Variants in GRIK5 observed in about 807,000 individuals in gnomAD.
GRIK5 encodes the protein glutamate ionotropic receptor kainate type subunit 5, also known as glutamate receptor ionotropic, kainate 5.
Under a neutral mutation model 97.4 loss-of-function variants are expected in GRIK5, and 43 were observed. The observed-to-expected ratio is 0.44, with a 90% CI of 0.35 to 0.57. GRIK5 has a LOEUF of 0.57. GRIK5 is among the 20% of genes least tolerant of loss of function. GRIK5 has a pLI of 0.01. For missense variants in GRIK5, 1,015 were observed against 1,382.0 expected, an observed-to-expected ratio of 0.73 and a Z score of 4.21; for synonymous variants, 580 against 583.5, an observed-to-expected ratio of 0.99 and a Z score of 0.09.
intron 3 of GRIK5, among the ~76,000 whole-genome samples, chr19:42,063,996 C>A (rs993202529): frequency 6.6e-6 from 1 of 152,224 alleles, no homozygotes; most frequent in African/African-American, 2.4e-5. Flanking sequence ...TTCACACAGA[C>A]CAGATGCCTG....
Position 42,003,792 on chromosome 19 carries a change from C to A in GRIK5, c.2264-109G>T. ...GGCCTTCCCCCGCCTCTACCACGTG[C>A]CCAGGGTCTTCCCTGCAGCCTCTCC... On this transcript the variant is annotated intron_variant, in intron 17 of 19. Transcript: ENST00000593562. The surrounding 1 kb of genome is among the most constrained non-coding windows in gnomAD (Gnocchi z 4.2). The A allele has an allele frequency of 8.1e-7, 1 of 1,239,840 alleles. No individual in the cohort carries two copies. The highest frequency in any genetic ancestry group is 1.6e-5 in the South Asian group (1 of 63,046). The allele number at this position is 1,239,840 out of a possible 1,614,324, so 76.8% of individuals were successfully genotyped here.
At chr19:42,054,542 T>C in intron 8 of GRIK5, 70 bp from the exon 9 acceptor site, 1 of 1,553,190 alleles carries the variant, frequency 6.4e-7, no homozygotes, top group Non-Finnish European at 8.8e-7. Flanking sequence ...CAAAGGCCCC[T>C]GAGCTGCCAC....
intron 1 of GRIK5, among the ~76,000 whole-genome samples, chr19:42,067,054 C>T (rs1027447958): frequency 6.6e-6 from 1 of 152,194 alleles, no homozygotes; most frequent in Admixed American, 6.5e-5. Flanking sequence ...AACCACTGGG[C>T]AAGGAGTTTG....
At chr19:42,024,785 G>A (rs568191108) in intron 12 of GRIK5, among the ~76,000 whole-genome samples, 3 of 152,240 alleles carry the variant, frequency 2.0e-5, no homozygotes, top group South Asian at 2.1e-4. Context: ...CGCCTGAGGC[G>A]CCTGTCCACT....
At chr19:42,008,755 C>T (rs113893620) in intron 15 of GRIK5, among the ~76,000 whole-genome samples, 71 of 152,170 alleles carry the variant, frequency 4.7e-4, no homozygotes, top group Non-Finnish European at 9.0e-4. Context: ...GACATGAAAA[C>T]AGCTATTATA....
At chr19:42,037,207 C>T (rs1308876173) in intron 12 of GRIK5, among the ~76,000 whole-genome samples, 1 of 152,228 alleles carries the variant, frequency 6.6e-6, no homozygotes, top group Non-Finnish European at 1.5e-5. Context: ...TGCCTGTAAT[C>T]CTAGCACTTT....
chr19:42,065,283 G>A lies in GRIK5; in HGVS notation c.184C>T (p.Arg62Ter). ...NGIIEVPAKA[R>*]VEVDIFELQR... is the part of the protein sequence containing the mutation. ...AGCTCAAAGATGTCTACTTCCACTC[G>A]GGCCTTGGCTGGGACCTCGATGATC... Residue 62 changes from arginine (R) to a stop codon, truncating the protein, a stop_gained, in exon 3 of 20, where the codon CGA becomes TGA. Transcript: ENST00000593562. LOFTEE classifies it high-confidence loss of function. The surrounding 1 kb of genome is among the most constrained non-coding windows in gnomAD (Gnocchi z 5.8). The A allele has an allele frequency of 6.2e-7, 1 of 1,613,230 alleles. No homozygotes were observed. The highest frequency in any genetic ancestry group is 1.1e-5 in the South Asian group (1 of 91,052).
chr19:42,058,769 T>C (rs962826455), intron 6 of GRIK5, among the ~76,000 whole-genome samples: 2 of 144,420 alleles, frequency 1.4e-5, no homozygotes, highest in Admixed American at 1.4e-4. Flanking sequence ...GAGGTTGCAG[T>C]GAGCTGAGAT....
At chr19:42,061,109 G>A (rs1422161308) in intron 5 of GRIK5, among the ~76,000 whole-genome samples, 11 of 152,128 alleles carry the variant, frequency 7.2e-5, no homozygotes, top group East Asian at 1.9e-4. Flanking sequence ...GTGCAGTGGC[G>A]TGATCTCAGC....
intron 6 of GRIK5, among the ~76,000 whole-genome samples, chr19:42,058,907 C>T (rs2076222099): frequency 6.6e-6 from 1 of 152,006 alleles, no homozygotes; most frequent in African/African-American, 2.4e-5. Flanking sequence ...GTTTAAAAAT[C>T]CTTCAGAGCT....
intron 15 of GRIK5, among the ~76,000 whole-genome samples, chr19:42,013,408 CTT>C (rs961451223): frequency 2.4e-5 from 3 of 123,246 alleles, no homozygotes; most frequent in Admixed American, 8.3e-5. Flanking sequence ...TTTTTCTTTT[CTT>C]TTTTTTTTTT....
intron 15 of GRIK5, among the ~76,000 whole-genome samples, chr19:42,014,231 T>C (rs1418059295): frequency 6.6e-6 from 1 of 151,420 alleles, no homozygotes. Context: ...CCATCTCTAC[T>C]AAAATACAAA....
At chr19:42,004,027 T>G (rs1398274232) in intron 17 of GRIK5, among the ~76,000 whole-genome samples, 3 of 152,148 alleles carry the variant, frequency 2.0e-5, no homozygotes, top group Non-Finnish European at 4.4e-5. Flanking sequence ...TCACACACAG[T>G]CCTGTCTTAG....
At chr19:42,012,627 G>A (rs1359189072) in intron 15 of GRIK5, among the ~76,000 whole-genome samples, 1 of 152,106 alleles carries the variant, frequency 6.6e-6, no homozygotes, top group Non-Finnish European at 1.5e-5. Flanking sequence ...TATAATCCGA[G>A]CACTTTGGGA....
Position 42,021,215 on chromosome 19 carries a change from C to CA in GRIK5, c.1871+85dup. 1 of 1,073,374 alleles carries CA rather than the reference C, an allele frequency of 9.3e-7. No homozygotes were observed. Among genetic ancestry groups the CA allele is most frequent in the Admixed American group, 2.5e-5 (1 of 40,228 alleles). The allele number at this position is 1,073,374 out of a possible 1,614,324, so 66.5% of individuals were successfully genotyped here. ...AGGGAAAACGGGGAATCAAATCTTC[C>CA]AGGAGATGCCACAGCCCCAACCCCA... On this transcript the variant is annotated intron_variant, in intron 15 of 19. Transcript: ENST00000593562. The surrounding 1 kb of genome is among the most constrained non-coding windows in gnomAD (Gnocchi z 4.2).
At chr19:42,027,429 G>A (rs992361090) in intron 12 of GRIK5, among the ~76,000 whole-genome samples, 3 of 152,244 alleles carry the variant, frequency 2.0e-5, no homozygotes, top group African/African-American at 7.2e-5. Context: ...AGCAAGGCTG[G>A]AGCAGAATAG....
At chr19:42,068,798 A>C (rs1156937507) in intron 1 of GRIK5, 1 of 591,120 alleles carries the variant, frequency 1.7e-6, no homozygotes, top group Non-Finnish European at 3.1e-6. Flanking sequence ...ATGGGGGCTC[A>C]AAAGCGGAAA....
chr19:42,027,167 G>A (rs2075782025), intron 12 of GRIK5, among the ~76,000 whole-genome samples: 1 of 152,152 alleles, frequency 6.6e-6, no homozygotes, highest in Non-Finnish European at 1.5e-5. Flanking sequence ...TAGCTTTGGG[G>A]ATACGGCGGT....
Position 42,042,691 on chromosome 19 carries a change from CCCT to C in GRIK5, c.1331_1333del (p.Glu444del). 6.2e-7 allele frequency: 1 copy of C among 1,613,716 alleles called. No individual in the cohort carries two copies. Among genetic ancestry groups the C allele is most frequent in the Non-Finnish European group, 8.5e-7 (1 of 1,180,010 alleles). ...CTCCCGCAGCATGTCCACGCAGAAG[CCCT>C]CGAAGCGTTCGTTCCCCGACAGGGC... is the stretch of plus-strand genomic sequence containing the variant. On this transcript the variant is annotated inframe_deletion, in exon 12 of 20. Transcript: ENST00000593562. The surrounding 1 kb of genome is among the most constrained non-coding windows in gnomAD (Gnocchi z 6.9).
Sources: gnomAD v4.1 joint callset for allele counts (sites outside exome capture counted in the v4.1 genomes callset) on GRCh38, gnomAD v4.1.1 for gene constraint, Gnocchi (gnomAD v3.1) non-coding constraint, MANE v1.5 for transcripts, NCBI Gene and HGNC (gene_info 2026-07-23, HGNC 2026-07-21) for gene names.